Variants in PVALB observed in about 807,000 individuals in gnomAD.
PVALB encodes the protein parvalbumin alpha.
A neutral mutation model predicts 10.9 loss-of-function variants in PVALB; 11 were observed. That is an observed-to-expected ratio of 1.01 (90% confidence interval 0.63 to 1.67). The LOEUF (loss-of-function observed/expected upper bound fraction) is 1.67, where lower values mean the gene tolerates loss of function less well. Ranked by LOEUF, PVALB falls within the 40% of genes most tolerant of loss-of-function variation. The pLI, the probability that PVALB is intolerant of heterozygous loss-of-function variation, is 0.00. For synonymous variants in PVALB, 57 were observed against 50.7 expected (o/e 1.12, Z -0.53); for missense variants, 131 against 136.2 (o/e 0.96, Z 0.19).
intron 3 of PVALB, among the ~76,000 whole-genome samples, chr22:36,810,288 C>T (rs552843202): frequency 5.9e-5 from 9 of 152,178 alleles, no homozygotes; most frequent in Non-Finnish European, 5.9e-5. Flanking sequence ...AGGTGGGGCT[C>T]GGGCCTTCTG....
In PVALB at chr22:36,815,132, T is replaced by G. The variant is rs769322845; in HGVS notation, c.165A>C (p.Lys55Asn). 12 of 1,614,128 alleles carry G rather than the reference T, an allele frequency of 7.4e-6. No individual in the cohort carries two copies. The South Asian group carries it at 1.2e-4, about 16-fold the overall frequency. The change falls in exon 2 of 4, where the codon AAA (lysine) becomes AAC (asparagine). Residue 55 changes from lysine (K) to asparagine (N), a missense_variant. By Grantham distance (94) the Lys-to-Asn change is moderately conservative (BLOSUM62 0). Transcript: ENST00000417718. ...GCTCATCCTCCTCGATGAAGCCACT[T>G]TTGTCCTTGTCCAGCATGTGAAACA... The part of the protein sequence containing the change: ...KKVFHMLDKD[K>N]SGFIEEDELG...
intron 1 of PVALB, chr22:36,815,511 G>A (rs897157031): frequency 4.3e-6 from 2 of 462,796 alleles, no homozygotes; most frequent in African/African-American, 3.9e-5. Flanking sequence ...ACCCATTGCT[G>A]ATGATGGGAG....
In PVALB at chr22:36,800,798, C is replaced by G. The variant is rs752011335; in HGVS notation, c.*92G>C. ...ATGGGGGAGTAAAAAATAACATAAA[C>G]GAACTGAACAGAAATGCAGGAGGGT... On this transcript the variant is annotated 3_prime_UTR_variant, in exon 4 of 4. Transcript: ENST00000417718. 7.1e-5 allele frequency: 100 copies of G among 1,408,560 alleles called. No individual in the cohort carries two copies. The highest frequency in any genetic ancestry group is 9.4e-5 in the Non-Finnish European group (93 of 993,400). 87.3% of individuals were successfully genotyped at this position (1,408,560 alleles called of 1,614,324 possible). A position where few individuals can be genotyped will look rare whatever the true frequency, so the allele number is the denominator to read the frequency against.
chr22:36,815,554 T>C (rs998640151), intron 1 of PVALB, among the ~76,000 whole-genome samples: 1 of 152,280 alleles, frequency 6.6e-6, no homozygotes, highest in Middle Eastern at 3.4e-3. Context: ...TTTGTTCTTC[T>C]GAGAACCTTG....
intron 3 of PVALB, among the ~76,000 whole-genome samples, chr22:36,805,424 G>T (rs1007765026): frequency 6.6e-6 from 1 of 152,154 alleles, no homozygotes. Context: ...GCCTATAAAC[G>T]CCTAGTTGCT....
At chr22:36,816,492 A>C (rs762920) in intron 1 of PVALB, 148,910 of 162,324 alleles carry the variant, frequency 0.92, 68,463 homozygotes, top group African/African-American at 0.97. Flanking sequence ...GGGCCAACAA[A>C]GGCTACCGCC....
intron 3 of PVALB, among the ~76,000 whole-genome samples, chr22:36,803,346 C>G (rs951462733): frequency 6.6e-6 from 1 of 152,202 alleles, no homozygotes; most frequent in African/African-American, 2.4e-5. Context: ...CCTTGGCACT[C>G]TCTGAAATGA....
chr22:36,815,050 C>G lies in PVALB; in HGVS notation c.194+53G>C, dbSNP rs187628870. 363 of 1,607,232 alleles carry G rather than the reference C, an allele frequency of 2.3e-4. 2 individuals carry two copies. In the African/African-American group the frequency reaches 3.7e-3, roughly 16 times the overall value. On this transcript the variant is annotated intron_variant, in intron 2 of 3. Transcript: ENST00000417718. The stretch of plus-strand genomic sequence containing the variant: ...ACTTGGAAGCTAGAGTCCCAGCCCC[C>G]ACTCCCTCTCGTGCAGCCGTGGGCT...
chr22:36,814,268 A>AGTGTGTGT (rs36215449), intron 2 of PVALB, among the ~76,000 whole-genome samples: 8 of 148,040 alleles, frequency 5.4e-5, no homozygotes, highest in African/African-American at 2.0e-4. Context: ...AGCCTCTGTG[A>AGTGTGTGT]GTGTGTGTGT....
chr22:36,803,928 T>C (rs561308372), intron 3 of PVALB, among the ~76,000 whole-genome samples: 1 of 152,240 alleles, frequency 6.6e-6, no homozygotes, highest in South Asian at 2.1e-4. Flanking sequence ...GCTACATGAA[T>C]GTGGAGAGGC....
At chr22:36,810,685 A>T (rs1048273394) in intron 3 of PVALB, among the ~76,000 whole-genome samples, 1 of 152,208 alleles carries the variant, frequency 6.6e-6, no homozygotes, top group Non-Finnish European at 1.5e-5. Flanking sequence ...CCCAAGGTCA[A>T]ATGAGGTAAC....
chr22:36,815,960 G>A (rs1939132132), intron 1 of PVALB, among the ~76,000 whole-genome samples: 1 of 152,068 alleles, frequency 6.6e-6, no homozygotes, highest in Admixed American at 6.6e-5. Context: ...AAGGAAATGG[G>A]GGTCCTTTTC....
intron 3 of PVALB, among the ~76,000 whole-genome samples, chr22:36,810,656 C>G (rs896926461): frequency 6.6e-6 from 1 of 152,218 alleles, no homozygotes; most frequent in African/African-American, 2.4e-5. Flanking sequence ...TCTACATCTG[C>G]ACTTATGTCC....
intron 1 of PVALB, 111 bp from the exon 2 acceptor site, chr22:36,815,346 G>T: frequency 1.4e-6 from 2 of 1,415,686 alleles, no homozygotes; most frequent in Non-Finnish European, 2.0e-6. Context: ...GCCAGTCATG[G>T]GGAATGAGAG....
intron 1 of PVALB, 186 bp from the exon 2 acceptor site, chr22:36,815,421 A>C (rs1939123617): frequency 3.9e-6 from 3 of 766,544 alleles, no homozygotes; most frequent in Non-Finnish European, 6.1e-6. Flanking sequence ...CCAAGGTCAC[A>C]AGGCTGGGAG....
At chr22:36,801,721 T>A (rs909009798) in intron 3 of PVALB, among the ~76,000 whole-genome samples, 12 of 151,954 alleles carry the variant, frequency 7.9e-5, no homozygotes, top group African/African-American at 2.9e-4. Context: ...AATTGCTTGA[T>A]CCCAGAAGGC....
chr22:36,814,647 G>A (rs1431873302), intron 2 of PVALB, among the ~76,000 whole-genome samples: 1 of 152,112 alleles, frequency 6.6e-6, no homozygotes, highest in Non-Finnish European at 1.5e-5. Flanking sequence ...AGGTGGTTCT[G>A]CATCCCTGGC....
At chr22:36,812,988 T>C (rs1444895228) in intron 3 of PVALB, among the ~76,000 whole-genome samples, 1 of 152,196 alleles carries the variant, frequency 6.6e-6, no homozygotes, top group African/African-American at 2.4e-5. Context: ...GTCTCTCACC[T>C]GTGCTGACAT....
intron 3 of PVALB, among the ~76,000 whole-genome samples, chr22:36,811,011 C>T (rs1939037366): frequency 6.6e-6 from 1 of 152,218 alleles, no homozygotes; most frequent in South Asian, 2.1e-4. Context: ...TGCAGTGGCT[C>T]ATGCCTGTAA....
Sources: gnomAD v4.1 joint callset for allele counts (sites outside exome capture counted in the v4.1 genomes callset) on GRCh38, gnomAD v4.1.1 for gene constraint, MANE v1.5 for transcripts, NCBI Gene and HGNC (gene_info 2026-07-23, HGNC 2026-07-21) for gene names.